PIGF: variants seen among roughly 807,000 people sequenced by gnomAD.
PIGF encodes the protein GPI ethanolamine phosphate transferase, stabilizing subunit.
In PIGF, 23 loss-of-function variants were observed where a neutral mutation model predicts 26.0. The observed-to-expected ratio is 0.88, with a 90% CI of 0.64 to 1.25. The LOEUF (loss-of-function observed/expected upper bound fraction) is 1.25. Among genes scored for constraint, PIGF ranks in the 50% most tolerant of loss-of-function variants. The pLI is 0.00. For synonymous variants in PIGF, 93 were observed against 92.6 expected (o/e 1.00, Z -0.03); for missense variants, 278 against 249.9 (o/e 1.11, Z -0.76).
chr2:46,602,153 G>A (rs1030541552), intron 4 of PIGF, among the ~76,000 whole-genome samples: 7 of 151,850 alleles, frequency 4.6e-5, no homozygotes, highest in African/African-American at 1.4e-4. Flanking sequence ...GAAACCAAAT[G>A]ACCTTGTCTA....
At chr2:46,581,680 C>T (rs1572762499) in intron 5 of PIGF, 89 bp from the exon 6 acceptor site, 1 of 1,483,256 alleles carries the variant, frequency 6.7e-7, no homozygotes, top group Non-Finnish European at 9.0e-7. Context: ...TATATTAAAG[C>T]TTAATGTGCT....
intron 4 of PIGF, among the ~76,000 whole-genome samples, chr2:46,611,643 C>G (rs539908585): frequency 6.6e-6 from 1 of 152,262 alleles, no homozygotes; most frequent in South Asian, 2.1e-4. Context: ...GCTAGATCTC[C>G]ACTATTTCTG....
Position 46,612,360 on chromosome 2 carries a change from G to T in PIGF, c.321-16C>A. 1 of 904,618 alleles carries T rather than the reference G, an allele frequency of 1.1e-6. No individual in the cohort carries two copies. The highest frequency in any genetic ancestry group is 2.9e-5 in the East Asian group (1 of 34,976). The allele number at this position is 904,618 out of a possible 1,614,324, so 56.0% of individuals were successfully genotyped here. A position where few individuals can be genotyped will look rare whatever the true frequency, so the allele number is the denominator to read the frequency against. The stretch of plus-strand genomic sequence containing the variant: ...CAATGCCAACCTAGAAAAAAAAAAA[G>T]ATTACTTTTTAAAAAAGTGTTAAAG... On this transcript the variant is annotated splice_polypyrimidine_tract_variant and intron_variant, in intron 3 of 5. Transcript: ENST00000281382.
chr2:46,606,093 C>G (rs1670213396), intron 4 of PIGF, among the ~76,000 whole-genome samples: 1 of 152,092 alleles, frequency 6.6e-6, no homozygotes, highest in Non-Finnish European at 1.5e-5. Flanking sequence ...CTGACATAAG[C>G]CTACTTTCCA....
chr2:46,590,152 A>G (rs553151873), intron 5 of PIGF, among the ~76,000 whole-genome samples: 1 of 152,278 alleles, frequency 6.6e-6, no homozygotes, highest in East Asian at 1.9e-4. Context: ...ATGTATTTAA[A>G]TTAGATTTAA....
intron 4 of PIGF, among the ~76,000 whole-genome samples, chr2:46,609,441 G>C (rs1248504660): frequency 2.0e-5 from 3 of 152,196 alleles, no homozygotes; most frequent in Admixed American, 6.5e-5. Context: ...GTGTTTACTA[G>C]AGTAGACTAA....
At position 46,606,129 on chromosome 2, in the gene PIGF, G is replaced by A. The variant is rs187611345; in HGVS notation, c.437+6099C>T. The stretch of plus-strand genomic sequence containing the variant: ...TAAGCAAGAAGAAAGTTAAGTACTG[G>A]CAAACTCTAACTCATTATAACTTTT... On this transcript the variant is annotated intron_variant, in intron 4 of 5. Transcript: ENST00000281382. Among the ~76,000 whole-genome samples the A allele has an allele frequency of 5.7e-4, 87 of 152,208 alleles. No individual in the cohort carries two copies. The South Asian group carries it at 0.017, about 29-fold the overall frequency.
intron 4 of PIGF, among the ~76,000 whole-genome samples, chr2:46,605,660 T>G (rs772374311): frequency 1.1e-4 from 17 of 152,134 alleles, no homozygotes; most frequent in Admixed American, 2.0e-4. Context: ...CGCTAAGTAG[T>G]AAAAACAGGG....
chr2:46,582,994 A>C (rs1448532832), intron 5 of PIGF: 3 of 152,110 alleles, frequency 2.0e-5, no homozygotes, highest in Non-Finnish European at 4.4e-5. Context: ...TTCTTATTTA[A>C]TTTTGGTCTG....
intron 4 of PIGF, among the ~76,000 whole-genome samples, chr2:46,598,009 T>C (rs1669941511): frequency 6.6e-6 from 1 of 152,348 alleles, no homozygotes; most frequent in Admixed American, 6.5e-5. Context: ...CTTAAGAATT[T>C]TTCCCTTACT....
chr2:46,590,349 G>A (rs1035426002), intron 5 of PIGF, among the ~76,000 whole-genome samples: 1 of 152,072 alleles, frequency 6.6e-6, no homozygotes, highest in Non-Finnish European at 1.5e-5. Flanking sequence ...ATGGGTGACT[G>A]AACTGTAAAT....
chr2:46,613,941 C>T (rs1014950636), intron 2 of PIGF, 156 bp from the exon 3 acceptor site: 2 of 618,196 alleles, frequency 3.2e-6, no homozygotes, highest in Non-Finnish European at 5.6e-6. Flanking sequence ...CCTGTACCGT[C>T]ACATACACAG....
chr2:46,604,310 A>G (rs551322406), intron 4 of PIGF, among the ~76,000 whole-genome samples: 1 of 151,908 alleles, frequency 6.6e-6, no homozygotes, highest in Non-Finnish European at 1.5e-5. Flanking sequence ...TTCTCAAAAA[A>G]ACAAAAACAG....
At position 46,581,420 on chromosome 2, in the gene PIGF, C is replaced by T. The variant is rs1438296685; in HGVS notation, c.*58G>A. The T allele has an allele frequency of 1.5e-5, 24 of 1,576,380 alleles. No individual in the cohort carries two copies. The highest frequency in any genetic ancestry group is 9.5e-6 in the Non-Finnish European group (11 of 1,160,738). On this transcript the variant is annotated 3_prime_UTR_variant, in exon 6 of 6. Transcript: ENST00000281382. ...ATGGAACTGCTTGGCTTTGACCATA[C>T]ACATTTCTGCCCAGCCCTTACAGAA...
At chr2:46,591,802 C>T (rs1039388528) in intron 5 of PIGF, 3 of 1,273,490 alleles carry the variant, frequency 2.4e-6, no homozygotes, top group Admixed American at 5.0e-5. Context: ...AGAGCACTTA[C>T]CTCACAGTGC....
chr2:46,614,833 G>C, intron 2 of PIGF, 104 bp downstream of exon 2: 1 of 623,008 alleles, frequency 1.6e-6, no homozygotes, highest in Non-Finnish European at 2.9e-6. Context: ...GGTTCCCTTT[G>C]CTCACTATAA....
chr2:46,606,678 GT>G (rs1250069032), intron 4 of PIGF, among the ~76,000 whole-genome samples: 1 of 152,136 alleles, frequency 6.6e-6, no homozygotes, highest in Non-Finnish European at 1.5e-5. Flanking sequence ...ACTTTACAGA[GT>G]TTGAACACTG....
At chr2:46,612,036 C>T (rs190424952) in intron 4 of PIGF, among the ~76,000 whole-genome samples, 192 bp downstream of exon 4, 4 of 151,594 alleles carry the variant, frequency 2.6e-5, no homozygotes, top group East Asian at 1.9e-4. Flanking sequence ...ATCTTGCTAA[C>T]GTGGAGGGAG....
At chr2:46,605,319 A>G (rs985087609) in intron 4 of PIGF, among the ~76,000 whole-genome samples, 1 of 152,112 alleles carries the variant, frequency 6.6e-6, no homozygotes, top group African/African-American at 2.4e-5. Flanking sequence ...AAAGACTTAG[A>G]TTCTTCTCTT....
Sources: gnomAD v4.1 joint callset for allele counts (sites outside exome capture counted in the v4.1 genomes callset) on GRCh38, gnomAD v4.1.1 for gene constraint, MANE v1.5 for transcripts, NCBI Gene and HGNC (gene_info 2026-07-23, HGNC 2026-07-21) for gene names.